The following LRP1B variants were observed in gnomAD, a reference collection of about 807,000 sequenced individuals.
The protein encoded by LRP1B is low-density lipoprotein receptor-related protein 1B.
Under a neutral mutation model 556.6 loss-of-function variants are expected in LRP1B, and 217 were observed. That is an observed-to-expected ratio of 0.39 (90% confidence interval 0.35 to 0.44). The LOEUF (loss-of-function observed/expected upper bound fraction) is 0.44. Ranked by LOEUF, LRP1B falls within the 20% of genes least tolerant of loss-of-function variation. LRP1B has a pLI of 1.00. For missense variants in LRP1B, 5,053 were observed against 5,620.8 expected (o/e 0.90, Z 3.23); for synonymous variants, 2,047 against 1,865.8 (o/e 1.10, Z -2.50).
intron 3 of LRP1B, among the ~76,000 whole-genome samples, chr2:141,259,494 T>G (rs183075367): frequency 6.6e-6 from 1 of 152,330 alleles, no homozygotes; most frequent in African/African-American, 2.4e-5. Flanking sequence ...CTTGACCTGA[T>G]GCTTACAGCA....
At chr2:140,697,503 C>T (rs1322366033) in intron 41 of LRP1B, among the ~76,000 whole-genome samples, 1 of 151,904 alleles carries the variant, frequency 6.6e-6, no homozygotes, top group Non-Finnish European at 1.5e-5. Context: ...TTCATTGCAG[C>T]ATTAATCATA....
intron 7 of LRP1B, among the ~76,000 whole-genome samples, chr2:141,101,173 G>A (rs570851991): frequency 1.7e-4 from 26 of 152,222 alleles, no homozygotes; most frequent in African/African-American, 5.5e-4. Context: ...TCATGACATT[G>A]TCGGAGACAA....
chr2:140,438,119 C>T (rs1415710110), intron 66 of LRP1B, among the ~76,000 whole-genome samples: 4 of 152,100 alleles, frequency 2.6e-5, no homozygotes, highest in Admixed American at 2.0e-4. Flanking sequence ...TGGGTTTAAC[C>T]GACCCTCCAG....
chr2:140,252,457 G>A (rs924820284), intron 86 of LRP1B, among the ~76,000 whole-genome samples: 3 of 151,866 alleles, frequency 2.0e-5, no homozygotes, highest in Non-Finnish European at 2.9e-5. Flanking sequence ...AAACGAGGAC[G>A]CACATGTTCA....
intron 5 of LRP1B, among the ~76,000 whole-genome samples, chr2:141,245,966 T>A (rs1183875617): frequency 6.6e-6 from 1 of 152,180 alleles, no homozygotes; most frequent in Non-Finnish European, 1.5e-5. Context: ...TAGGCAATGA[T>A]CAGTACTGAG....
At chr2:141,332,999 A>T (rs1687713666) in intron 3 of LRP1B, among the ~76,000 whole-genome samples, 1 of 152,012 alleles carries the variant, frequency 6.6e-6, no homozygotes, top group Non-Finnish European at 1.5e-5. Flanking sequence ...GTGTTTTCCC[A>T]TAATCTTCAC....
At chr2:141,429,076 C>T (rs924745551) in intron 3 of LRP1B, among the ~76,000 whole-genome samples, 4 of 152,078 alleles carry the variant, frequency 2.6e-5, no homozygotes, top group African/African-American at 9.7e-5. Flanking sequence ...AGAAAAATTA[C>T]TATAGAGGTA....
At chr2:140,391,168 C>T (rs138995563) in intron 66 of LRP1B, among the ~76,000 whole-genome samples, 3,105 of 152,206 alleles carry the variant, frequency 0.02, 38 homozygotes, top group African/African-American at 0.028. Flanking sequence ...ATATTCATAA[C>T]ATTGAATATT....
At chr2:141,506,509 G>T (rs1011109648) in intron 2 of LRP1B, among the ~76,000 whole-genome samples, 11 of 151,992 alleles carry the variant, frequency 7.2e-5, no homozygotes, top group East Asian at 5.8e-4. Flanking sequence ...CATCTTTAAT[G>T]ACTGTTAATC....
At chr2:141,423,828 A>AC (rs1308672580) in intron 3 of LRP1B, among the ~76,000 whole-genome samples, 1 of 91,522 alleles carries the variant, frequency 1.1e-5, no homozygotes, top group Non-Finnish European at 2.5e-5. Flanking sequence ...TGTCTATTAA[A>AC]AAAAAAAACC....
At chr2:142,125,079 T>C (rs770722611) in intron 1 of LRP1B, among the ~76,000 whole-genome samples, 15 of 151,804 alleles carry the variant, frequency 9.9e-5, no homozygotes, top group Non-Finnish European at 1.6e-4. Flanking sequence ...TACATTTTAA[T>C]ATCACTCAAT....
intron 1 of LRP1B, among the ~76,000 whole-genome samples, chr2:142,125,507 T>C (rs997344393): frequency 1.3e-5 from 2 of 151,832 alleles, no homozygotes; most frequent in African/African-American, 4.8e-5. Context: ...AAACCAACTT[T>C]TAAAAACTCA....
At position 141,750,504 on chromosome 2, in the gene LRP1B, C is replaced by T. The variant is rs181450828; in HGVS notation, c.205+59775G>A. Among the ~76,000 whole-genome samples the T allele has an allele frequency of 1.4e-3, 206 of 152,212 alleles. 1 individual carries two copies. Among genetic ancestry groups the T allele is most frequent in the African/African-American group, 4.7e-3 (196 of 41,548 alleles). On this transcript the variant is annotated intron_variant, in intron 2 of 90. Transcript: ENST00000389484. The stretch of plus-strand genomic sequence containing the variant: ...ATCTCTTCTTGTCCTTGGACTCCAC[C>T]GCTAGTCCTTTCTTCAAGCCTTTCA...
chr2:141,938,382 G>A (rs1436883130), intron 1 of LRP1B, among the ~76,000 whole-genome samples: 1 of 152,116 alleles, frequency 6.6e-6, no homozygotes, highest in Admixed American at 6.5e-5. Flanking sequence ...TCAGAGAAAT[G>A]CAAATGAAAA....
chr2:140,494,966 A>T (rs531329669), intron 56 of LRP1B, among the ~76,000 whole-genome samples: 11 of 152,118 alleles, frequency 7.2e-5, no homozygotes, highest in Non-Finnish European at 1.5e-4. Context: ...ATTGCTTTGT[A>T]TCATTTTAAT....
chr2:140,467,646 G>C (rs1687603957), intron 60 of LRP1B, among the ~76,000 whole-genome samples: 1 of 151,140 alleles, frequency 6.6e-6, no homozygotes, highest in African/African-American at 2.4e-5. Context: ...CTTAAAAGGT[G>C]GAGGTGGAGG....
At chr2:140,333,758 A>G (rs958872464) in intron 79 of LRP1B, among the ~76,000 whole-genome samples, 5 of 152,040 alleles carry the variant, frequency 3.3e-5, no homozygotes, top group African/African-American at 1.2e-4. Context: ...GTTTTACTGA[A>G]GAAGTGCCAA....
At chr2:141,545,350 C>T (rs12105207) in intron 2 of LRP1B, among the ~76,000 whole-genome samples, 4,802 of 152,250 alleles carry the variant, frequency 0.032, 259 homozygotes, top group African/African-American at 0.11. Context: ...TGTCTACTTC[C>T]TTACACAGTT....
intron 80 of LRP1B, among the ~76,000 whole-genome samples, chr2:140,324,870 CTTTTTTT>C (rs36073920): frequency 1.5e-5 from 2 of 136,822 alleles, no homozygotes; most frequent in African/African-American, 5.4e-5. Context: ...GGGATCTGAA[CTTTTTTT>C]TTTTTTTTCC....
Sources: gnomAD v4.1 joint callset for allele counts (sites outside exome capture counted in the v4.1 genomes callset) on GRCh38, gnomAD v4.1.1 for gene constraint, MANE v1.5 for transcripts, NCBI Gene and HGNC (gene_info 2026-07-23, HGNC 2026-07-21) for gene names.